ANO3: variants seen among roughly 807,000 people sequenced by gnomAD.
ANO3 encodes anoctamin-3.
In ANO3, 99 loss-of-function variants were observed where a neutral mutation model predicts 144.8. That is an observed-to-expected ratio of 0.68 (90% confidence interval 0.58 to 0.81). The LOEUF is 0.81. ANO3 is among the 30% of genes least tolerant of loss of function. The probability of loss-of-function intolerance (pLI) is 0.00; values close to 1 mark genes in which losing one functional copy is unlikely to be tolerated. For missense variants in ANO3, 905 were observed against 1,202.2 expected (o/e 0.75, Z 3.66); for synonymous variants, 414 against 392.6 (o/e 1.05, Z -0.64).
intron 14 of ANO3, among the ~76,000 whole-genome samples, chr11:26,582,496 C>T (rs1003241505): frequency 2.0e-5 from 3 of 152,104 alleles, no homozygotes; most frequent in African/African-American, 7.2e-5. Flanking sequence ...GAAGGATAGG[C>T]TAGCCAGTAA....
chr11:26,291,857 C>A (rs1047123449), intron 1 of ANO3, among the ~76,000 whole-genome samples: 4 of 152,240 alleles, frequency 2.6e-5, no homozygotes, highest in African/African-American at 7.2e-5. Context: ...TCCTTCATTT[C>A]AACCTTGGTG....
At position 26,365,773 on chromosome 11, in the gene ANO3, C is replaced by T. The variant is rs930756126; in HGVS notation, c.46+33452C>T. 5.9e-5 allele frequency among the ~76,000 whole-genome samples: 9 copies of T among 152,048 alleles called. No individual in the cohort carries two copies. In the South Asian group the frequency reaches 6.2e-4, roughly 11 times the overall value. ...CTGGCTCCTAAACTCATTCTTTTTT[C>T]CTAGTCCTCTGGGCTGGCCTGTGAG... On this transcript the variant is annotated intron_variant, in intron 1 of 26. Transcript: ENST00000256737.
At chr11:26,613,192 G>C (rs1268148316) in intron 17 of ANO3, among the ~76,000 whole-genome samples, 2 of 151,766 alleles carry the variant, frequency 1.3e-5, no homozygotes, top group Non-Finnish European at 2.9e-5. Context: ...ATTCTTATTT[G>C]TTTATTTATT....
chr11:26,451,876 C>G (rs867850626), intron 3 of ANO3, among the ~76,000 whole-genome samples: 23 of 152,272 alleles, frequency 1.5e-4, no homozygotes, highest in Admixed American at 2.6e-4. Flanking sequence ...CCGGGTACTC[C>G]TCTGAGACAA....
chr11:26,525,438 G>A lies in ANO3; in HGVS notation c.693-197G>A, dbSNP rs115624425. Among the ~76,000 whole-genome samples the A allele has an allele frequency of 0.014, 2,161 of 152,026 alleles. 41 individuals carry two copies. Among genetic ancestry groups the A allele is most frequent in the African/African-American group, 0.05 (2,069 of 41,466 alleles). ...ATTTATTAGAGTGTCTTTGTTATTA[G>A]TATCTTAGATTCTGAAATTAAAACA... On this transcript the variant is annotated intron_variant, in intron 6 of 26. Coordinates refer to ENST00000256737, the MANE Select transcript of ANO3 (RefSeq NM_031418.4).
chr11:26,536,806 A>C (rs867117478), intron 9 of ANO3, among the ~76,000 whole-genome samples: 19 of 152,246 alleles, frequency 1.2e-4, no homozygotes, highest in African/African-American at 4.6e-4. Context: ...ATTATTTCTA[A>C]TTCTTTACTG....
chr11:26,397,611 G>A (rs1214795723), intron 1 of ANO3, among the ~76,000 whole-genome samples: 1 of 152,046 alleles, frequency 6.6e-6, no homozygotes, highest in East Asian at 1.9e-4. Flanking sequence ...GGTGCACAAT[G>A]ATGTTTCAAG....
intron 1 of ANO3, among the ~76,000 whole-genome samples, chr11:26,338,207 G>A (rs1232636511): frequency 6.6e-6 from 1 of 152,118 alleles, no homozygotes; most frequent in Non-Finnish European, 1.5e-5. Flanking sequence ...GGACTTCCTG[G>A]GTTGAGTGGG....
chr11:26,207,327 G>T (rs1198440069), intron 1 of ANO3, among the ~76,000 whole-genome samples: 1 of 152,136 alleles, frequency 6.6e-6, no homozygotes, highest in Non-Finnish European at 1.5e-5. Context: ...GTGTTTGTGT[G>T]TTTGCTTTTT....
At chr11:26,505,771 G>C (rs1176509046) in intron 4 of ANO3, among the ~76,000 whole-genome samples, 1 of 152,120 alleles carries the variant, frequency 6.6e-6, no homozygotes, top group Non-Finnish European at 1.5e-5. Context: ...AGGAGATCGA[G>C]ACCGTCCTGG....
At chr11:26,617,670 A>G (rs920982936) in intron 17 of ANO3, among the ~76,000 whole-genome samples, 14 of 152,202 alleles carry the variant, frequency 9.2e-5, no homozygotes, top group African/African-American at 3.4e-4. Flanking sequence ...GACCATAAAT[A>G]CTTCTCCTTT....
At chr11:26,544,391 C>G (rs1171378204) in intron 11 of ANO3, among the ~76,000 whole-genome samples, 2 of 149,958 alleles carry the variant, frequency 1.3e-5, no homozygotes, top group African/African-American at 4.9e-5. Context: ...AAAGGTTGAA[C>G]TCATAGAAGC....
intron 1 of ANO3, among the ~76,000 whole-genome samples, chr11:26,212,934 T>A (rs1205582115): frequency 6.6e-6 from 1 of 152,058 alleles, no homozygotes. Flanking sequence ...TCATCCACCA[T>A]GATCAAGTCA....
chr11:26,310,322 A>G (rs899611843), intron 1 of ANO3, among the ~76,000 whole-genome samples: 91 of 152,196 alleles, frequency 6.0e-4, no homozygotes, highest in African/African-American at 2.1e-3. Flanking sequence ...TGGTTAACCA[A>G]TTGATTGGTT....
intron 17 of ANO3, among the ~76,000 whole-genome samples, chr11:26,615,861 G>T (rs1852245302): frequency 6.6e-6 from 1 of 152,066 alleles, no homozygotes; most frequent in Non-Finnish European, 1.5e-5. Flanking sequence ...CGTCTGCATT[G>T]ATTGGTGTTC....
At chr11:26,354,992 A>C (rs1245573390) in intron 1 of ANO3, among the ~76,000 whole-genome samples, 1 of 142,132 alleles carries the variant, frequency 7.0e-6, no homozygotes, top group Non-Finnish European at 1.5e-5. Context: ...CTTGTACTCA[A>C]GCTCATGAAA....
intron 1 of ANO3, among the ~76,000 whole-genome samples, chr11:26,203,734 AT>A (rs1484686296): frequency 6.6e-6 from 1 of 152,142 alleles, no homozygotes; most frequent in Non-Finnish European, 1.5e-5. Context: ...GGTCAGAGTT[AT>A]AATCTTGCAT....
chr11:26,300,075 C>T (rs1042069816), intron 1 of ANO3, among the ~76,000 whole-genome samples: 1 of 152,092 alleles, frequency 6.6e-6, no homozygotes, highest in Non-Finnish European at 1.5e-5. Context: ...CCATTAAGCC[C>T]TCATGTGGGG....
chr11:26,473,119 G>T (rs575080483), intron 4 of ANO3, among the ~76,000 whole-genome samples: 2 of 152,004 alleles, frequency 1.3e-5, no homozygotes, highest in South Asian at 4.1e-4. Flanking sequence ...CAAACATTGT[G>T]TGAAGTTATT....
Sources: gnomAD v4.1 joint callset for allele counts (sites outside exome capture counted in the v4.1 genomes callset) on GRCh38, gnomAD v4.1.1 for gene constraint, MANE v1.5 for transcripts, NCBI Gene and HGNC (gene_info 2026-07-23, HGNC 2026-07-21) for gene names.